CAPZA2: variants seen among roughly 807,000 people sequenced by gnomAD.
CAPZA2 encodes capping actin protein of muscle Z-line subunit alpha 2.
CAPZA2 carries 13 observed loss-of-function variants against 44.0 expected under a neutral mutation model. The ratio of observed to expected loss-of-function variants is 0.30; its 90% CI spans 0.19 to 0.47. The LOEUF is 0.47. Ranked by LOEUF, CAPZA2 falls within the 20% of genes least tolerant of loss-of-function variation. The probability of loss-of-function intolerance (pLI) is 1.00; values close to 1 mark genes in which losing one functional copy is unlikely to be tolerated. For synonymous variants in CAPZA2, 94 were observed against 108.2 expected, an observed-to-expected ratio of 0.87 and a Z score of 0.81; for missense variants, 244 against 338.6, an observed-to-expected ratio of 0.72 and a Z score of 2.19.
chr7:116,897,942 C>T (rs1796949443), intron 3 of CAPZA2, among the ~76,000 whole-genome samples: 2 of 152,102 alleles, frequency 1.3e-5, no homozygotes, highest in South Asian at 2.1e-4. Context: ...TCTGTGTTCT[C>T]CTTTCTCAAA....
In CAPZA2 at chr7:116,902,569, C is replaced by G. The variant is rs915401458; in HGVS notation, c.220-1608C>G. On this transcript the variant is annotated intron_variant, in intron 4 of 9. Coordinates refer to ENST00000361183, the MANE Select transcript of CAPZA2 (RefSeq NM_006136.3). Reference sequence around the variant, plus strand: ...GGTAATATGGATGGAAACATACTCTCATATATGTGTAGAAATTTGGATTGT... The same window carrying G: ...GGTAATATGGATGGAAACATACTCTGATATATGTGTAGAAATTTGGATTGT... Among the ~76,000 whole-genome samples the G allele has an allele frequency of 2.0e-5, 3 of 152,154 alleles. No homozygotes were observed. The East Asian group carries it at 5.8e-4, about 29-fold the overall frequency.
chr7:116,888,129 G>T lies in CAPZA2; in HGVS notation c.42G>T (p.Val14=), dbSNP rs144757327. Reference sequence around the variant, plus strand: ...TTATATCTTTCTTTCTGTTTCAGGTGCGTATAGCAGCAAAATTCATCATTC... The same window carrying T: ...TTATATCTTTCTTTCTGTTTCAGGTTCGTATAGCAGCAAAATTCATCATTC... ...LEEQLSDEEK[V]RIAAKFIIHA... is the part of the protein sequence containing the mutation. The change falls in exon 2 of 10, where the codon GTG becomes GTT. Residue 14 remains valine (V), a splice_region_variant and synonymous_variant. Transcript: ENST00000361183. The T allele has an allele frequency of 2.5e-6, 4 of 1,607,772 alleles. No individual in the cohort carries two copies. The highest frequency in any genetic ancestry group is 2.7e-5 in the African/African-American group (2 of 74,782).
At chr7:116,900,274 T>G (rs191358641) in intron 4 of CAPZA2, among the ~76,000 whole-genome samples, 1 of 151,956 alleles carries the variant, frequency 6.6e-6, no homozygotes, top group South Asian at 2.1e-4. Flanking sequence ...CATTATCATT[T>G]ATCATAAATG....
chr7:116,864,882 A>T (rs1012978598), intron 1 of CAPZA2, among the ~76,000 whole-genome samples: 17 of 152,154 alleles, frequency 1.1e-4, no homozygotes, highest in Non-Finnish European at 2.4e-4. Flanking sequence ...CTAAAAAAAA[A>T]TATTAAGTTT....
intron 1 of CAPZA2, among the ~76,000 whole-genome samples, chr7:116,877,479 G>A (rs1202281591): frequency 6.6e-6 from 1 of 152,232 alleles, no homozygotes; most frequent in African/African-American, 2.4e-5. Flanking sequence ...CTGTGTATAT[G>A]TGGGATGAGA....
intron 2 of CAPZA2, among the ~76,000 whole-genome samples, chr7:116,890,453 C>G (rs1796816599): frequency 6.9e-6 from 1 of 145,954 alleles, no homozygotes; most frequent in Non-Finnish European, 1.5e-5. Context: ...GGTGGATCAC[C>G]TGAGATCAGG....
chr7:116,880,235 T>G (rs1293194700), intron 1 of CAPZA2: 1 of 361,276 alleles, frequency 2.8e-6, no homozygotes, highest in African/African-American at 2.1e-5. Flanking sequence ...CAGTTTATTT[T>G]TGAGTTTCAA....
At chr7:116,866,819 A>G (rs1796489598) in intron 1 of CAPZA2, among the ~76,000 whole-genome samples, 3 of 152,210 alleles carry the variant, frequency 2.0e-5, no homozygotes, top group Admixed American at 1.3e-4. Context: ...ATTACTGGTC[A>G]GATTTTTATC....
intron 8 of CAPZA2, among the ~76,000 whole-genome samples, chr7:116,913,400 C>T (rs1791622877): frequency 6.6e-6 from 1 of 152,152 alleles, no homozygotes; most frequent in Non-Finnish European, 1.5e-5. Context: ...TTAGCTCTTA[C>T]ATTTAGGTCT....
At chr7:116,868,146 T>C (rs1796506289) in intron 1 of CAPZA2, among the ~76,000 whole-genome samples, 1 of 152,258 alleles carries the variant, frequency 6.6e-6, no homozygotes, top group Non-Finnish European at 1.5e-5. Flanking sequence ...AGATTTAGCT[T>C]AGATTACACA....
At chr7:116,887,189 T>C (rs1477425213) in intron 1 of CAPZA2, among the ~76,000 whole-genome samples, 1 of 152,248 alleles carries the variant, frequency 6.6e-6, no homozygotes, top group Non-Finnish European at 1.5e-5. Flanking sequence ...AATTTTGTCA[T>C]TGATTTTTTT....
chr7:116,886,804 G>C (rs1001237292), intron 1 of CAPZA2, among the ~76,000 whole-genome samples: 4 of 152,204 alleles, frequency 2.6e-5, no homozygotes, highest in African/African-American at 9.7e-5. Flanking sequence ...CACTACCTCA[G>C]CTTATTCACA....
chr7:116,866,869 T>G (rs2115863570), intron 1 of CAPZA2, among the ~76,000 whole-genome samples: 1 of 152,326 alleles, frequency 6.6e-6, no homozygotes, highest in African/African-American at 2.4e-5. Flanking sequence ...TTAGGTATGT[T>G]CAAATGGAGC....
intron 2 of CAPZA2, among the ~76,000 whole-genome samples, chr7:116,889,509 G>T (rs1022437615): frequency 6.6e-6 from 1 of 151,130 alleles, no homozygotes; most frequent in African/African-American, 2.4e-5. Context: ...ATTGCTTGAG[G>T]CTGGGTGTTT....
intron 1 of CAPZA2, among the ~76,000 whole-genome samples, chr7:116,877,195 A>G (rs1397218708): frequency 9.2e-5 from 14 of 152,250 alleles, no homozygotes; most frequent in Admixed American, 7.8e-4. Context: ...GCAAGTCTCA[A>G]TAGTGCTAGC....
At chr7:116,869,589 T>G (rs951279828) in intron 1 of CAPZA2, among the ~76,000 whole-genome samples, 9 of 152,354 alleles carry the variant, frequency 5.9e-5, no homozygotes, top group African/African-American at 2.2e-4. Flanking sequence ...CCTTGTTTAG[T>G]GGTACATAAA....
chr7:116,919,549 T>G lies in CAPZA2; in HGVS notation c.*1682T>G, dbSNP rs1791734862. 6.6e-6 allele frequency: 1 copy of G among 151,546 alleles called. No individual in the cohort carries two copies. Among genetic ancestry groups the G allele is most frequent in the Non-Finnish European group, 1.5e-5 (1 of 68,022 alleles). 9.4% of individuals were successfully genotyped at this position (151,546 alleles called of 1,614,324 possible). ...AACTGTTTTTAAGGTGATTTGCTTG[T>G]GAGACGGAAGATTTATCAAAAATAA... On this transcript the variant is annotated 3_prime_UTR_variant, in exon 10 of 10. Coordinates refer to ENST00000361183, the MANE Select transcript of CAPZA2 (RefSeq NM_006136.3).
Position 116,917,736 on chromosome 7 carries a change from A to C in CAPZA2, c.730A>C (p.Ser244Arg). The change falls in exon 10 of 10, where the codon AGT (serine) becomes CGT (arginine). Residue 244 changes from serine to arginine, a missense_variant. Coordinates refer to ENST00000361183, the MANE Select transcript of CAPZA2 (RefSeq NM_006136.3). ...CTATTGTTTTTCATAGACTGCCATC[A>C]GTGAGAATTATCAGACAATGTCGGA... is the stretch of plus-strand genomic sequence containing the variant. ...AAENEYQTAI[S>R]ENYQTMSDTT... The C allele has an allele frequency of 6.2e-7, 1 of 1,605,408 alleles. No individual in the cohort carries two copies. Among genetic ancestry groups the C allele is most frequent in the African/African-American group, 1.3e-5 (1 of 74,896 alleles).
At chr7:116,899,657 T>G (rs1376386488) in intron 4 of CAPZA2, among the ~76,000 whole-genome samples, 5 of 12,424 alleles carry the variant, frequency 4.0e-4, no homozygotes, top group Non-Finnish European at 6.7e-4. Context: ...TGGGAAGATT[T>G]GGGTTTTTTT....
Sources: allele counts gnomAD v4.1 joint callset (sites outside exome capture counted in the v4.1 genomes callset), GRCh38; gene constraint gnomAD v4.1.1; transcripts MANE v1.5; gene names NCBI Gene and HGNC (gene_info 2026-07-23, HGNC 2026-07-21).